SPOPL: variants seen among roughly 807,000 people sequenced by gnomAD.
SPOPL encodes speckle type BTB/POZ protein like, also known as speckle-type POZ protein-like.
Under a neutral mutation model 53.8 loss-of-function variants are expected in SPOPL, and 23 were observed. That is an observed-to-expected ratio of 0.43 (90% CI 0.31 to 0.61). The LOEUF (loss-of-function observed/expected upper bound fraction) is 0.61. Ranked by LOEUF, SPOPL falls within the 20% of genes least tolerant of loss-of-function variation. The pLI, the probability that SPOPL is intolerant of heterozygous loss-of-function variation, is 0.12. For missense variants in SPOPL, 442 were observed against 466.9 expected (o/e 0.95, Z 0.49); for synonymous variants, 164 against 149.7 (o/e 1.10, Z -0.70).
intron 1 of SPOPL, among the ~76,000 whole-genome samples, chr2:138,537,088 C>T (rs1392322815): frequency 2.0e-5 from 3 of 152,152 alleles, no homozygotes; most frequent in Non-Finnish European, 4.4e-5. Flanking sequence ...AAGAAGGGAG[C>T]CAGCCCCTTA....
At chr2:138,547,003 T>C (rs909351246) in intron 1 of SPOPL, among the ~76,000 whole-genome samples, 3 of 152,246 alleles carry the variant, frequency 2.0e-5, no homozygotes, top group Non-Finnish European at 4.4e-5. Flanking sequence ...TCTCACTCTG[T>C]TGCCCAGGCT....
chr2:138,550,827 TTCTC>T (rs66690846), intron 3 of SPOPL, 72 bp from the exon 4 acceptor site: 1,498 of 1,362,236 alleles, frequency 1.1e-3, no homozygotes, highest in East Asian at 4.1e-3. Flanking sequence ...CTCTCTCTCT[TTCTC>T]TCTCTCTCTC....
intron 1 of SPOPL, among the ~76,000 whole-genome samples, chr2:138,532,420 C>CTTTTTT (rs769229731): frequency 2.4e-4 from 13 of 53,238 alleles, no homozygotes; most frequent in African/African-American, 3.6e-4. Flanking sequence ...TTTTTGTTCG[C>CTTTTTT]TTTTTTTTTT....
Position 138,572,243 on chromosome 2 carries a change from A to T in SPOPL, c.*3163A>T, listed in dbSNP as rs1446062760. On this transcript the variant is annotated 3_prime_UTR_variant, in exon 11 of 11. Transcript: ENST00000280098. ...CAATTTACTGCATGATGAAATGTGA[A>T]AACAGTGCCTTTTTAGGACATCAAT... 1 of 152,602 alleles carries T rather than the reference A, an allele frequency of 6.6e-6. No homozygotes were observed. The highest frequency in any genetic ancestry group is 2.4e-5 in the African/African-American group (1 of 41,448). 9.5% of individuals were successfully genotyped at this position (152,602 alleles called of 1,614,324 possible).
At chr2:138,544,358 C>T (rs564779393) in intron 1 of SPOPL, among the ~76,000 whole-genome samples, 1 of 152,324 alleles carries the variant, frequency 6.6e-6, no homozygotes, top group African/African-American at 2.4e-5. Context: ...AAACAGGCCT[C>T]CTTGAGCTGC....
intron 1 of SPOPL, among the ~76,000 whole-genome samples, chr2:138,504,424 C>T (rs1210295100): frequency 1.3e-5 from 2 of 152,148 alleles, no homozygotes; most frequent in Non-Finnish European, 1.5e-5. Context: ...TTTATATAAA[C>T]AGGGCAGGTT....
intron 2 of SPOPL, 82 bp downstream of exon 2, chr2:138,550,376 C>T: frequency 6.3e-7 from 1 of 1,586,948 alleles, no homozygotes; most frequent in South Asian, 1.1e-5. Flanking sequence ...AAACACTTTG[C>T]CATAGTTATT....
intron 5 of SPOPL, among the ~76,000 whole-genome samples, chr2:138,557,151 G>A (rs551080539): frequency 3.3e-5 from 5 of 151,670 alleles, no homozygotes; most frequent in South Asian, 4.2e-4. Flanking sequence ...GCAAGACTCC[G>A]TCTCAAAAGA....
At chr2:138,558,528 C>T (rs1558879429) in intron 5 of SPOPL, among the ~76,000 whole-genome samples, 1 of 151,930 alleles carries the variant, frequency 6.6e-6, no homozygotes. Context: ...ACTTTAAAAA[C>T]TTCTCAATTT....
At chr2:138,535,131 C>T (rs1393766701) in intron 1 of SPOPL, among the ~76,000 whole-genome samples, 1 of 152,088 alleles carries the variant, frequency 6.6e-6, no homozygotes, top group Non-Finnish European at 1.5e-5. Context: ...GTGATTGCAT[C>T]ACTGTATTTC....
chr2:138,536,343 C>A (rs1164203189), intron 1 of SPOPL, among the ~76,000 whole-genome samples: 4 of 149,814 alleles, frequency 2.7e-5, no homozygotes, highest in Non-Finnish European at 4.5e-5. Context: ...TAGTGCCCCC[C>A]CCCCACACAC....
intron 1 of SPOPL, among the ~76,000 whole-genome samples, chr2:138,529,543 C>CGCGT (rs1558867626): frequency 7.1e-5 from 10 of 141,132 alleles, no homozygotes; most frequent in African/African-American, 2.3e-4. Context: ...TGTTTGCGTG[C>CGCGT]GCGCGCGCTT....
At chr2:138,554,550 T>C in intron 5 of SPOPL, 1 of 1,266,322 alleles carries the variant, frequency 7.9e-7, no homozygotes, top group Non-Finnish European at 1.0e-6. Flanking sequence ...GGCAGTTGGG[T>C]GCTACCCTTT....
intron 1 of SPOPL, among the ~76,000 whole-genome samples, chr2:138,515,575 A>G (rs1054882061): frequency 2.0e-5 from 3 of 152,154 alleles, no homozygotes; most frequent in African/African-American, 7.2e-5. Flanking sequence ...GTCATTTTGT[A>G]GTGAAAATCC....
chr2:138,503,410 G>A (rs575462601), intron 1 of SPOPL, among the ~76,000 whole-genome samples: 23 of 152,202 alleles, frequency 1.5e-4, no homozygotes, highest in Non-Finnish European at 2.8e-4. Context: ...CTGGCACAGG[G>A]CAAATATCTG....
chr2:138,515,824 A>G (rs1684425447), intron 1 of SPOPL, among the ~76,000 whole-genome samples: 1 of 152,142 alleles, frequency 6.6e-6, no homozygotes, highest in Non-Finnish European at 1.5e-5. Context: ...TTTTACAGCT[A>G]TTATTTTTAT....
In SPOPL at chr2:138,568,786, G is replaced by A. The variant is rs528611240; in HGVS notation, c.1035-150G>A. 6.1e-6 allele frequency: 5 copies of A among 819,048 alleles called. No individual in the cohort carries two copies. The East Asian group carries it at 1.3e-4, about 22-fold the overall frequency. The allele number at this position is 819,048 out of a possible 1,614,324, so 50.7% of individuals were successfully genotyped here. ...CCACAGAAGATACCAGTAAGATAAA[G>A]ATGGTATTTTAATAAAAGCAAATGA... On this transcript the variant is annotated intron_variant, in intron 10 of 10. Transcript: ENST00000280098.
At chr2:138,541,343 G>T (rs1195616846) in intron 1 of SPOPL, among the ~76,000 whole-genome samples, 2 of 152,124 alleles carry the variant, frequency 1.3e-5, no homozygotes, top group Non-Finnish European at 2.9e-5. Flanking sequence ...TGTACCTCTG[G>T]TAGAATTCAG....
chr2:138,503,336 T>C (rs1684147492), intron 1 of SPOPL, among the ~76,000 whole-genome samples: 1 of 152,206 alleles, frequency 6.6e-6, no homozygotes, highest in Non-Finnish European at 1.5e-5. Flanking sequence ...GGTTATGATA[T>C]GACATCACAG....
Sources: gnomAD v4.1 joint callset for allele counts (sites outside exome capture counted in the v4.1 genomes callset) on GRCh38, gnomAD v4.1.1 for gene constraint, MANE v1.5 for transcripts, NCBI Gene and HGNC (gene_info 2026-07-23, HGNC 2026-07-21) for gene names.